The following ADCY10 variants were observed in gnomAD, a reference collection of about 807,000 sequenced individuals.
ADCY10 encodes the protein adenylate cyclase type 10.
ADCY10 carries 156 observed loss-of-function variants against 183.3 expected under a neutral mutation model. The observed-to-expected ratio is 0.85, with a 90% CI of 0.75 to 0.97. ADCY10 has a LOEUF of 0.97. Ranked by LOEUF, ADCY10 falls within the 50% of genes least tolerant of loss-of-function variation. ADCY10 has a pLI of 0.00. For missense variants in ADCY10, 1,745 were observed against 1,934.3 expected (o/e 0.90, Z 1.84); for synonymous variants, 645 against 670.0 (o/e 0.96, Z 0.58).
At chr1:167,869,412 C>T (rs1382262051) in intron 14 of ADCY10, among the ~76,000 whole-genome samples, 2 of 152,158 alleles carry the variant, frequency 1.3e-5, no homozygotes, top group Non-Finnish European at 2.9e-5. Context: ...AAGTGAGAGT[C>T]TCAAACGGGG....
chr1:167,847,400 A>C (rs939865079), intron 19 of ADCY10, among the ~76,000 whole-genome samples: 2 of 145,296 alleles, frequency 1.4e-5, no homozygotes, highest in African/African-American at 5.1e-5. Flanking sequence ...AAGAATAATA[A>C]TACATCTTTC....
At chr1:167,826,679 T>C (rs1231679750) in intron 26 of ADCY10, among the ~76,000 whole-genome samples, 1 of 152,198 alleles carries the variant, frequency 6.6e-6, no homozygotes, top group African/African-American at 2.4e-5. Flanking sequence ...ACAAGACAGC[T>C]GAAGAGGTCC....
intron 1 of ADCY10, among the ~76,000 whole-genome samples, chr1:167,908,671 T>C (rs1025363467): frequency 1.3e-5 from 2 of 152,194 alleles, no homozygotes; most frequent in Non-Finnish European, 2.9e-5. Flanking sequence ...TATGTACACT[T>C]TTTGTCATTT....
chr1:167,832,283 A>T (rs909303655), intron 25 of ADCY10, among the ~76,000 whole-genome samples: 3 of 152,204 alleles, frequency 2.0e-5, no homozygotes, highest in African/African-American at 7.2e-5. Context: ...AACATTTATT[A>T]TAGAATAATT....
intron 14 of ADCY10, among the ~76,000 whole-genome samples, chr1:167,862,600 CA>C (rs2102062245): frequency 6.6e-6 from 1 of 152,176 alleles, no homozygotes; most frequent in South Asian, 2.1e-4. Context: ...TACTTTTTTA[CA>C]GAGGCCCCGG....
intron 21 of ADCY10, among the ~76,000 whole-genome samples, chr1:167,839,697 A>C (rs1178669037): frequency 6.6e-6 from 1 of 152,210 alleles, no homozygotes; most frequent in Non-Finnish European, 1.5e-5. Flanking sequence ...TGCCATTAAA[A>C]TTCAAATTTA....
intron 29 of ADCY10, 63 bp from the exon 30 acceptor site, chr1:167,822,204 G>A: frequency 9.3e-7 from 1 of 1,076,074 alleles, no homozygotes. Flanking sequence ...TTCTAGCCTA[G>A]TCACTCTCAG....
chr1:167,857,615 A>G (rs1200477719), intron 16 of ADCY10, among the ~76,000 whole-genome samples: 2 of 152,218 alleles, frequency 1.3e-5, no homozygotes, highest in South Asian at 2.1e-4. Flanking sequence ...GGTTCTTTTT[A>G]AAGTGAAAAA....
intron 32 of ADCY10, among the ~76,000 whole-genome samples, chr1:167,810,422 C>T (rs1203677917): frequency 6.6e-6 from 1 of 152,172 alleles, no homozygotes; most frequent in Non-Finnish European, 1.5e-5. Flanking sequence ...GTCATGAGGG[C>T]TCTGCCCTCA....
In ADCY10 at chr1:167,880,175, C is replaced by T. The variant is rs779872352; in HGVS notation, c.1156G>A (p.Val386Ile). ...VHKIQTVSIG[V>I]ASGIVFCGIV... ...CCACAGAAGACAATCCCACTGGCAA[C>T]ACCGATGGATACAGTTCTGGTGCAG... The change falls in exon 11 of 33, where the codon GTT becomes ATT. Residue 386 changes from valine to isoleucine, a missense_variant. Val to Ile is a conservative substitution (Grantham distance 29, BLOSUM62 3). Transcript: ENST00000367851. 2.1e-5 allele frequency: 34 copies of T among 1,613,160 alleles called. No homozygotes were observed. The highest frequency in any genetic ancestry group is 8.0e-5 in the African/African-American group (6 of 74,872).
chr1:167,901,807 T>C lies in ADCY10; in HGVS notation c.293-2A>G. On this transcript the variant is annotated splice_acceptor_variant, in intron 4 of 32. Transcript: ENST00000367851. LOFTEE classifies it high-confidence loss of function. ...TCCACAGGGCTAGCAGTGCATCACC[T>C]TCAGAGAGAGACATGCCGCGGGCTT... 1 of 1,614,196 alleles carries C rather than the reference T, an allele frequency of 6.2e-7. No individual in the cohort carries two copies. The highest frequency in any genetic ancestry group is 8.5e-7 in the Non-Finnish European group (1 of 1,180,032).
Position 167,809,854 on chromosome 1 carries a change from A to G in ADCY10, c.4672-15T>C, listed in dbSNP as rs1662094346. On this transcript the variant is annotated splice_polypyrimidine_tract_variant and intron_variant, in intron 32 of 32. Coordinates refer to ENST00000367851, the MANE Select transcript of ADCY10 (RefSeq NM_018417.6). ...TACCATGATTCCTGAGAGGAAAGAA[A>G]CAGAACAAAGAAATCATTAGTGCTT... The G allele has an allele frequency of 6.2e-7, 1 of 1,613,656 alleles. No homozygotes were observed. Among genetic ancestry groups the G allele is most frequent in the Non-Finnish European group, 8.5e-7 (1 of 1,179,570 alleles).
intron 23 of ADCY10, 98 bp downstream of exon 23, chr1:167,836,208 TACA>T: frequency 2.5e-6 from 2 of 786,970 alleles, no homozygotes; most frequent in Admixed American, 4.0e-5. Context: ...GTCGGGAATA[TACA>T]ACGTGAAGTA....
Position 167,842,907 on chromosome 1 carries a change from A to C in ADCY10, c.3007+2656T>G, listed in dbSNP as rs115759754. On this transcript the variant is annotated intron_variant, in intron 21 of 32. Transcript: ENST00000367851. ...AATGACTAGAAAGAACAGCTAAATT[A>C]AAAATGTTTGCCCCTGACTGGAATT... is the stretch of plus-strand genomic sequence containing the variant. 3.7e-3 allele frequency among the ~76,000 whole-genome samples: 559 copies of C among 152,336 alleles called. 2 individuals carry two copies. The highest frequency in any genetic ancestry group is 0.012 in the African/African-American group (480 of 41,580).
intron 16 of ADCY10, among the ~76,000 whole-genome samples, chr1:167,857,943 T>A (rs575177899): frequency 6.6e-6 from 1 of 152,314 alleles, no homozygotes; most frequent in African/African-American, 2.4e-5. Context: ...CACATCCTAC[T>A]TTTTTAATCT....
At chr1:167,898,998 G>T (rs531882844) in intron 6 of ADCY10, among the ~76,000 whole-genome samples, 1 of 152,080 alleles carries the variant, frequency 6.6e-6, no homozygotes, top group Non-Finnish European at 1.5e-5. Flanking sequence ...GAACTTCGCC[G>T]CACTTGCTCA....
intron 31 of ADCY10, 95 bp downstream of exon 31, chr1:167,817,977 T>A (rs1662630634): frequency 8.0e-7 from 1 of 1,247,774 alleles, no homozygotes; most frequent in African/African-American, 1.5e-5. Flanking sequence ...TATAAAAATA[T>A]ATGAATTCTA....
At chr1:167,904,083 T>G (rs1045182141) in intron 2 of ADCY10, 92 bp from the exon 3 acceptor site, 1 of 101,244 alleles carries the variant, frequency 9.9e-6, no homozygotes, top group Non-Finnish European at 1.9e-5. Context: ...GGGCCTCAGC[T>G]TTTTTTTTTT....
At chr1:167,854,270 T>C (rs1665719209) in intron 18 of ADCY10, 83 bp downstream of exon 18, 5 of 1,547,602 alleles carry the variant, frequency 3.2e-6, no homozygotes, top group Non-Finnish European at 4.5e-6. Context: ...GCCTGTGGAA[T>C]AGCTCATTTT....
Sources: allele counts gnomAD v4.1 joint callset (sites outside exome capture counted in the v4.1 genomes callset), GRCh38; gene constraint gnomAD v4.1.1; transcripts MANE v1.5; gene names NCBI Gene and HGNC (gene_info 2026-07-23, HGNC 2026-07-21).